GBP3: variants seen among roughly 807,000 people sequenced by gnomAD.
GBP3 encodes the protein guanylate binding protein 3.
In GBP3, 55 loss-of-function variants were observed where a neutral mutation model predicts 62.4. The observed-to-expected ratio is 0.88, with a 90% CI of 0.71 to 1.10. GBP3 has a LOEUF of 1.10. Ranked by LOEUF, GBP3 falls within the 50% of genes least tolerant of loss-of-function variation. The pLI is 0.00. For synonymous variants in GBP3, 208 were observed against 259.2 expected (o/e 0.80, Z 1.90); for missense variants, 605 against 690.6 (o/e 0.88, Z 1.39).
Position 89,014,555 on chromosome 1 carries a change from G to A in GBP3, c.420C>T (p.Asp140=), listed in dbSNP as rs1028787464. The part of the protein sequence containing the change: ...SMGTINQQAM[D]QLYYVTELTH... Reference sequence around the variant, plus strand: ...GGGTCACAAAAGGATACTACAGTTGGTCCATAGCCTGCTGGTTGATGGTTC... The same window carrying A: ...GGGTCACAAAAGGATACTACAGTTGATCCATAGCCTGCTGGTTGATGGTTC... The change falls in exon 4 of 11, where the codon GAC becomes GAT. Residue 140 remains aspartate, a synonymous_variant. Coordinates refer to ENST00000370481, the MANE Select transcript of GBP3 (RefSeq NM_018284.3). 5.6e-6 allele frequency: 9 copies of A among 1,613,950 alleles called. No individual in the cohort carries two copies. Among genetic ancestry groups the A allele is most frequent in the Non-Finnish European group, 7.6e-6 (9 of 1,179,990 alleles).
intron 6 of GBP3, among the ~76,000 whole-genome samples, 194 bp downstream of exon 6, chr1:89,012,991 C>A (rs1678654888): frequency 8.1e-6 from 1 of 123,198 alleles, no homozygotes; most frequent in Non-Finnish European, 1.7e-5. Flanking sequence ...GTATGTGCCA[C>A]CATGCCTCAT....
intron 1 of GBP3, among the ~76,000 whole-genome samples, 159 bp downstream of exon 1, chr1:89,022,525 C>G (rs1022639283): frequency 2.6e-5 from 4 of 152,196 alleles, no homozygotes; most frequent in African/African-American, 9.6e-5. Context: ...TGACCTGTGT[C>G]TCACATCAGG....
In GBP3 at chr1:89,020,456, C is replaced by T. The variant is rs758102453; in HGVS notation, c.190+76G>A. On this transcript the variant is annotated intron_variant, in intron 2 of 10. Coordinates refer to ENST00000370481, the MANE Select transcript of GBP3 (RefSeq NM_018284.3). ...TTATTCCCAGTGCCAGCTTTCTCTC[C>T]TCACATCCTCATAATGGATGCTGAC... 4 of 1,566,472 alleles carry T rather than the reference C, an allele frequency of 2.6e-6. No homozygotes were observed. The African/African-American group carries it at 5.4e-5, about 21-fold the overall frequency.
At chr1:89,008,791 GC>G in intron 10 of GBP3, 155 bp downstream of exon 10, 1 of 1,390,076 alleles carries the variant, frequency 7.2e-7, no homozygotes, top group Non-Finnish European at 9.6e-7. Flanking sequence ...GTAGGCAGTG[GC>G]CATTTCAAGT....
intron 4 of GBP3, 36 bp downstream of exon 4, chr1:89,014,511 C>T: frequency 6.2e-7 from 1 of 1,614,078 alleles, no homozygotes; most frequent in Non-Finnish European, 8.5e-7. Context: ...GGTGTCCCCT[C>T]TGACCTTGGT....
Position 89,014,256 on chromosome 1 carries a change from C to T in GBP3, c.452G>A (p.Arg151Gln), listed in dbSNP as rs780622494. 1.3e-5 allele frequency: 21 copies of T among 1,614,004 alleles called. No individual in the cohort carries two copies. The highest frequency in any genetic ancestry group is 8.9e-5 in the East Asian group (4 of 44,898). Residue 151 changes from arginine to glutamine, a missense_variant, in exon 5 of 11, where the codon CGA becomes CAA. Transcript: ENST00000370481. Reference protein sequence around the residue: ...QLYYVTELTHRIRSKSSPDEN... With the variant: ...QLYYVTELTHQIRSKSSPDEN... ...ATCAGGTGAGGATTTTGATCGGATT[C>T]GATGTGTCAGCTCTGTCACATAGCT...
intron 8 of GBP3, among the ~76,000 whole-genome samples, chr1:89,010,025 A>C (rs543733013): frequency 6.6e-6 from 1 of 152,348 alleles, no homozygotes; most frequent in African/African-American, 2.4e-5. Flanking sequence ...ACAGAAAAAA[A>C]TCCAGCTGTA....
At chr1:89,020,771 G>A in intron 1 of GBP3, 28 bp from the exon 2 acceptor site, 1 of 1,579,312 alleles carries the variant, frequency 6.3e-7, no homozygotes, top group Non-Finnish European at 8.6e-7. Flanking sequence ...GAATGAATTA[G>A]AATTTCCAGT....
chr1:89,015,501 T>C, intron 2 of GBP3, 87 bp from the exon 3 acceptor site: 1 of 1,316,116 alleles, frequency 7.6e-7, no homozygotes, highest in South Asian at 1.6e-5. Context: ...TCATGATTAA[T>C]GTTAAGAGAG....
intron 1 of GBP3, among the ~76,000 whole-genome samples, chr1:89,021,510 G>GCGCGCGCA (rs751639388): frequency 8.4e-4 from 110 of 131,732 alleles, no homozygotes; most frequent in African/African-American, 1.6e-3. Flanking sequence ...GCGCGCGCGC[G>GCGCGCGCA]CACACACACA....
chr1:89,014,880 A>G (rs1290312423), intron 3 of GBP3, among the ~76,000 whole-genome samples: 2 of 152,208 alleles, frequency 1.3e-5, no homozygotes, highest in Non-Finnish European at 2.9e-5. Flanking sequence ...AGGTCCTCTT[A>G]TGATCATTGG....
Position 89,007,775 on chromosome 1 carries a change from C to G in GBP3, c.1737G>C (p.Lys579Asn). The G allele has an allele frequency of 6.2e-7, 1 of 1,611,260 alleles. No homozygotes were observed. Among genetic ancestry groups the G allele is most frequent in the Non-Finnish European group, 8.5e-7 (1 of 1,178,712 alleles). Reference sequence around the variant, plus strand: ...ATCTCTTGGTTTTTTTTTTCAGGGTCTTCTGTAGCTTTTGTATCTCATTTT... The same window carrying G: ...ATCTCTTGGTTTTTTTTTTCAGGGTGTTCTGTAGCTTTTGTATCTCATTTT... Reference protein sequence around the residue: ...QLQNEIQKLQKTLKKKTKRYM... With the variant: ...QLQNEIQKLQNTLKKKTKRYM... Residue 579 changes from lysine to asparagine, a missense_variant, in exon 11 of 11, where the codon AAG (lysine) becomes AAC (asparagine). Physicochemically the swap from Lys to Asn is moderately conservative, Grantham distance 94. Coordinates refer to ENST00000370481, the MANE Select transcript of GBP3 (RefSeq NM_018284.3).
chr1:89,020,841 T>C (rs557500948), intron 1 of GBP3, 98 bp from the exon 2 acceptor site: 7 of 980,070 alleles, frequency 7.1e-6, no homozygotes, highest in South Asian at 1.6e-5. Context: ...GTTTTGTGTG[T>C]GTCAGTGAGA....
At chr1:89,021,238 T>A (rs1046762478) in intron 1 of GBP3, among the ~76,000 whole-genome samples, 3 of 152,182 alleles carry the variant, frequency 2.0e-5, no homozygotes, top group Non-Finnish European at 4.4e-5. Context: ...TATGCTTATT[T>A]CACTGTAATG....
chr1:89,009,550 C>T (rs1678441663), intron 8 of GBP3, 56 bp from the exon 9 acceptor site: 2 of 1,601,378 alleles, frequency 1.2e-6, no homozygotes, highest in African/African-American at 2.7e-5. Context: ...AGCAGGTTTT[C>T]CTGTTCTTCT....
At position 89,011,735 on chromosome 1, in the gene GBP3, T is replaced by C; in HGVS notation, c.1149+12A>G. The C allele has an allele frequency of 6.8e-7, 1 of 1,462,130 alleles. No individual in the cohort carries two copies. Among genetic ancestry groups the C allele is most frequent in the East Asian group, 2.3e-5 (1 of 43,210 alleles). 90.6% of individuals were successfully genotyped at this position (1,462,130 alleles called of 1,614,324 possible). A position where few individuals can be genotyped will look rare whatever the true frequency, so the allele number is the denominator to read the frequency against. The stretch of plus-strand genomic sequence containing the variant: ...AAAATCCAAATCCATGTAAATGTGA[T>C]AGAAAAATTACCGCTAATTTCTTTT... On this transcript the variant is annotated intron_variant, in intron 7 of 10. Transcript: ENST00000370481.
chr1:89,021,970 C>T (rs934156732), intron 1 of GBP3, among the ~76,000 whole-genome samples: 3 of 150,918 alleles, frequency 2.0e-5, no homozygotes, highest in Admixed American at 1.3e-4. Flanking sequence ...GCAAAGATAC[C>T]GGCTTTAGTA....
At chr1:89,014,447 C>T (rs769515843) in intron 4 of GBP3, 100 bp downstream of exon 4, 3 of 1,610,454 alleles carry the variant, frequency 1.9e-6, no homozygotes, top group Non-Finnish European at 2.5e-6. Context: ...TTGTTTTCTC[C>T]TTTTGAGCTT....
rs1678269661 is a variant in GBP3 at position 89,007,316 on chromosome 1, G to T, written c.*408C>A. 6.4e-6 allele frequency: 1 copy of T among 157,122 alleles called. No individual in the cohort carries two copies. The highest frequency in any genetic ancestry group is 2.4e-5 in the African/African-American group (1 of 41,522). The allele number at this position is 157,122 out of a possible 1,614,324, so 9.7% of individuals were successfully genotyped here. ...CACATTATTGCTCATAGACCTTGTA[G>T]CCTTGATATAATGGAGAACTGTACA... On this transcript the variant is annotated 3_prime_UTR_variant, in exon 11 of 11. Coordinates refer to ENST00000370481, the MANE Select transcript of GBP3 (RefSeq NM_018284.3).
Sources: allele counts gnomAD v4.1 joint callset (sites outside exome capture counted in the v4.1 genomes callset), GRCh38; gene constraint gnomAD v4.1.1; transcripts MANE v1.5; gene names NCBI Gene and HGNC (gene_info 2026-07-23, HGNC 2026-07-21).